The following PPARGC1B variants were observed in gnomAD, a reference collection of about 807,000 sequenced individuals.
The protein encoded by PPARGC1B is peroxisome proliferator-activated receptor gamma coactivator 1-beta.
Under a neutral mutation model 101.6 loss-of-function variants are expected in PPARGC1B, and 34 were observed. That is an observed-to-expected ratio of 0.33 (90% confidence interval 0.25 to 0.45). The LOEUF (loss-of-function observed/expected upper bound fraction) is 0.45. Among genes scored for constraint, PPARGC1B ranks in the 20% least tolerant of loss-of-function variants. The pLI, the probability that PPARGC1B is intolerant of heterozygous loss-of-function variation, is 1.00. For synonymous variants in PPARGC1B, 548 were observed against 539.3 expected (o/e 1.02, Z -0.22); for missense variants, 1,234 against 1,317.6 (o/e 0.94, Z 0.98).
chr5:149,793,336 T>C (rs1170237958), intron 1 of PPARGC1B, among the ~76,000 whole-genome samples: 4 of 152,152 alleles, frequency 2.6e-5, no homozygotes, highest in African/African-American at 9.7e-5. Flanking sequence ...GAGGTGATTC[T>C]ATCATCAAGT....
intron 1 of PPARGC1B, among the ~76,000 whole-genome samples, chr5:149,777,922 T>TCACACACACACA (rs58159275): frequency 8.6e-5 from 1 of 11,602 alleles, no homozygotes; most frequent in Admixed American, 1.6e-3. Flanking sequence ...CCATGTAGCA[T>TCACACACACACA]CACACACACA....
intron 3 of PPARGC1B, among the ~76,000 whole-genome samples, chr5:149,828,647 T>G (rs1758622843): frequency 6.6e-6 from 1 of 152,186 alleles, no homozygotes; most frequent in Non-Finnish European, 1.5e-5. Context: ...TTAGATTACC[T>G]TCATTCCCTA....
chr5:149,759,442 C>T (rs1427333623), intron 1 of PPARGC1B, among the ~76,000 whole-genome samples: 4 of 152,132 alleles, frequency 2.6e-5, no homozygotes, highest in African/African-American at 4.8e-5. Flanking sequence ...GGGCCTAGTA[C>T]TGGTGAAAGC....
intron 3 of PPARGC1B, among the ~76,000 whole-genome samples, chr5:149,830,401 A>ATG (rs143687897): frequency 3.1e-3 from 473 of 151,148 alleles, no homozygotes; most frequent in African/African-American, 7.0e-3. Flanking sequence ...GATTGTGTGT[A>ATG]TGTGTGTGTG....
chr5:149,804,159 T>G (rs1054896826), intron 1 of PPARGC1B, among the ~76,000 whole-genome samples: 6 of 152,242 alleles, frequency 3.9e-5, no homozygotes, highest in African/African-American at 1.4e-4. Flanking sequence ...GACTGCAGCC[T>G]TCACGATAGT....
chr5:149,803,901 G>T (rs561088150), intron 1 of PPARGC1B, among the ~76,000 whole-genome samples: 18 of 152,364 alleles, frequency 1.2e-4, no homozygotes, highest in Non-Finnish European at 2.4e-4. Context: ...TGAGCGAGTG[G>T]TGGTCTGCTC....
chr5:149,747,830 A>G (rs1038700239), intron 1 of PPARGC1B, among the ~76,000 whole-genome samples: 1 of 152,190 alleles, frequency 6.6e-6, no homozygotes, highest in South Asian at 2.1e-4. Flanking sequence ...GGCAGGCACC[A>G]TAGCAGGCAA....
At chr5:149,840,200 A>T (rs1157670193) in intron 9 of PPARGC1B, 84 bp downstream of exon 9, 13 of 1,352,664 alleles carry the variant, frequency 9.6e-6, no homozygotes, top group Non-Finnish European at 1.1e-5. Context: ...AAGCCTTTTG[A>T]GGCTGGCTGG....
intron 1 of PPARGC1B, among the ~76,000 whole-genome samples, chr5:149,799,661 G>GGGCTTTTTT (rs1229191169): frequency 1.4e-5 from 2 of 145,082 alleles, no homozygotes; most frequent in Non-Finnish European, 3.0e-5. Flanking sequence ...GCATATGAAT[G>GGGCTTTTTT]GGCTTTTTTG....
Position 149,826,872 on chromosome 5 carries a change from A to G in PPARGC1B, c.452A>G (p.Asp151Gly), listed in dbSNP as rs779901655. 34 of 1,610,658 alleles carry G rather than the reference A, an allele frequency of 2.1e-5. No homozygotes were observed. Among genetic ancestry groups the G allele is most frequent in the Non-Finnish European group, 2.8e-5 (33 of 1,177,900 alleles). Residue 151 changes from aspartate (D) to glycine (G), a missense_variant, in exon 3 of 12, where the codon GAC becomes GGC. Around this residue, in one of 3 missense-constraint regions of PPARGC1B, gnomAD observed 734 missense variants for 768.4 expected, o/e 0.96. Transcript: ENST00000309241. Reference protein sequence around the residue: ...EKPSAPAPEVDELSLLQKLLL... With the variant: ...EKPSAPAPEVGELSLLQKLLL... Reference sequence around the variant, plus strand: ...CCCTCGGCCCCAGCCCCTGAGGTGGACGAGCTCTCACTGGTAAGAACCTAC... The same window carrying G: ...CCCTCGGCCCCAGCCCCTGAGGTGGGCGAGCTCTCACTGGTAAGAACCTAC...
intron 1 of PPARGC1B, among the ~76,000 whole-genome samples, chr5:149,734,898 G>C (rs1177588083): frequency 6.6e-6 from 1 of 152,146 alleles, no homozygotes; most frequent in Non-Finnish European, 1.5e-5. Context: ...CTGTGTTTCT[G>C]AACTTGGCCC....
chr5:149,757,797 A>G (rs1755590832), intron 1 of PPARGC1B, among the ~76,000 whole-genome samples: 1 of 152,198 alleles, frequency 6.6e-6, no homozygotes, highest in Non-Finnish European at 1.5e-5. Flanking sequence ...CAGAGAAACT[A>G]GCGTGGCTAG....
Position 149,837,082 on chromosome 5 carries a change from A to AGG in PPARGC1B, c.2618+13_2618+14dup, listed in dbSNP as rs773493734. On this transcript the variant is annotated intron_variant, in intron 8 of 11. Coordinates refer to ENST00000309241, the MANE Select transcript of PPARGC1B (RefSeq NM_133263.4). The surrounding 1 kb of genome is among the most constrained non-coding windows in gnomAD (Gnocchi z 4.2). ...ACTCGAAGGAACTTCAGGTATGAAC[A>AGG]GGGGGCTGCAGGAGAGGCAGCGGGC... 5 of 1,594,024 alleles carry AGG rather than the reference A, an allele frequency of 3.1e-6. No individual in the cohort carries two copies. In the East Asian group the frequency reaches 9.0e-5, roughly 29 times the overall value.
intron 8 of PPARGC1B, among the ~76,000 whole-genome samples, chr5:149,839,533 C>T (rs1759248232): frequency 1.3e-5 from 2 of 152,206 alleles, no homozygotes; most frequent in Admixed American, 1.3e-4. Context: ...GGGGCTGCTG[C>T]TTGGCTGAGG....
At position 149,842,243 on chromosome 5, in the gene PPARGC1B, CCTT is replaced by C. The variant is rs780311340; in HGVS notation, c.2695-9_2695-7del. Reference sequence around the variant, plus strand: ...CAATGACGGAGTCTCTCTCTGTCCTCCTTCTTGGGCAGGGGGAAGGCCGCGTGG... The same window carrying C: ...CAATGACGGAGTCTCTCTCTGTCCTCCTTGGGCAGGGGGAAGGCCGCGTGG... On this transcript the variant is annotated splice_polypyrimidine_tract_variant and intron_variant, in intron 9 of 11. Coordinates refer to ENST00000309241, the MANE Select transcript of PPARGC1B (RefSeq NM_133263.4). The C allele has an allele frequency of 9.9e-6, 16 of 1,611,808 alleles. No individual in the cohort carries two copies. Among genetic ancestry groups the C allele is most frequent in the East Asian group, 4.5e-5 (2 of 44,840 alleles).
In PPARGC1B at chr5:149,836,413, A is replaced by C; in HGVS notation, c.1958A>C (p.Lys653Thr). 6.2e-7 allele frequency: 1 copy of C among 1,614,040 alleles called. No individual in the cohort carries two copies. The highest frequency in any genetic ancestry group is 1.7e-5 in the Admixed American group (1 of 60,014). Residue 653 changes from lysine to threonine, a missense_variant, in exon 8 of 12, where the codon AAG becomes ACG. Transcript: ENST00000309241. ...SLKATPGAAH[K>T]LPKKHPERSE... ...AAGGCCACCCCAGGGGCTGCCCACA[A>C]GCTGCCAAAGAAGCACCCAGAGCGA...
intron 9 of PPARGC1B, among the ~76,000 whole-genome samples, chr5:149,841,443 C>T (rs986296650): frequency 1.2e-4 from 19 of 152,168 alleles, no homozygotes; most frequent in Non-Finnish European, 2.4e-4. Context: ...GTGGACCCGC[C>T]ACCTGGGTTT....
At position 149,837,249 on chromosome 5, in the gene PPARGC1B, G is replaced by C. The variant is rs1440603980; in HGVS notation, c.2618+176G>C. On this transcript the variant is annotated intron_variant, in intron 8 of 11. Transcript: ENST00000309241. The surrounding 1 kb of genome is among the most constrained non-coding windows in gnomAD (Gnocchi z 4.2). ...TTGAAGGTGGTCTTCTGGGGCAGTT[G>C]TGGGTGAGTTCTGGAGGCAGGCACA... Among the ~76,000 whole-genome samples the C allele has an allele frequency of 6.6e-6, 1 of 152,184 alleles. No individual in the cohort carries two copies. Among genetic ancestry groups the C allele is most frequent in the African/African-American group, 2.4e-5 (1 of 41,454 alleles).
chr5:149,735,289 C>T (rs59476761), intron 1 of PPARGC1B, among the ~76,000 whole-genome samples: 2 of 152,178 alleles, frequency 1.3e-5, no homozygotes, highest in Non-Finnish European at 2.9e-5. Flanking sequence ...CTGTGCCCCA[C>T]GGGCTCATAT....
Sources: allele counts gnomAD v4.1 joint callset (sites outside exome capture counted in the v4.1 genomes callset), GRCh38; gene constraint gnomAD v4.1.1; regional missense constraint gnomAD v4.1.1; non-coding constraint Gnocchi (gnomAD v3.1); transcripts MANE v1.5; gene names NCBI Gene and HGNC (gene_info 2026-07-23, HGNC 2026-07-21).